ACOXL: variants seen among roughly 807,000 people sequenced by gnomAD.
ACOXL encodes acyl-CoA oxidase like.
In ACOXL, 70 loss-of-function variants were observed where a neutral mutation model predicts 71.9. That is an observed-to-expected ratio of 0.97 (90% CI 0.80 to 1.19). The LOEUF is 1.19. ACOXL is among the 50% of genes most tolerant of loss of function. ACOXL has a pLI of 0.00. For missense variants in ACOXL, 703 were observed against 736.3 expected (o/e 0.95, Z 0.52); for synonymous variants, 253 against 281.6 (o/e 0.90, Z 1.02).
intron 9 of ACOXL, among the ~76,000 whole-genome samples, chr2:110,809,215 A>G (rs1350267614): frequency 6.6e-6 from 1 of 152,138 alleles, no homozygotes. Context: ...ACTGCTCCCC[A>G]TAGTATGTGC....
intron 9 of ACOXL, among the ~76,000 whole-genome samples, chr2:110,821,285 CTT>C (rs113682220): frequency 6.6e-6 from 1 of 151,258 alleles, no homozygotes; most frequent in Non-Finnish European, 1.5e-5. Context: ...CTCTCTCTCT[CTT>C]TTTTTTTAAC....
intron 16 of ACOXL, among the ~76,000 whole-genome samples, chr2:111,072,458 GGATTAGCA>G: frequency 6.6e-6 from 1 of 152,154 alleles, no homozygotes; most frequent in South Asian, 2.1e-4. Flanking sequence ...TCCGTTGTGT[GGATTAGCA>G]GAGTTTGTTT....
intron 11 of ACOXL, 60 bp downstream of exon 11, chr2:110,908,965 G>C: frequency 2.4e-6 from 3 of 1,267,810 alleles, no homozygotes; most frequent in South Asian, 2.7e-5. Context: ...GCATGAGTAA[G>C]AATTCAGAGC....
chr2:110,787,151 T>C (rs766221052), intron 3 of ACOXL, among the ~76,000 whole-genome samples: 2 of 152,134 alleles, frequency 1.3e-5, no homozygotes, highest in African/African-American at 2.4e-5. Context: ...TTCTATTTCA[T>C]TGAATTTTTC....
At chr2:110,878,310 T>A (rs1696183227) in intron 10 of ACOXL, among the ~76,000 whole-genome samples, 1 of 152,170 alleles carries the variant, frequency 6.6e-6, no homozygotes, top group South Asian at 2.1e-4. Flanking sequence ...TTAAATAGAT[T>A]AGACACAACT....
intron 17 of ACOXL, among the ~76,000 whole-genome samples, chr2:111,111,963 T>C (rs1383926379): frequency 6.6e-6 from 1 of 152,224 alleles, no homozygotes; most frequent in African/African-American, 2.4e-5. Context: ...TTGTGTACTC[T>C]TTAGTTGAAG....
chr2:110,876,927 A>G (rs1375285333), intron 10 of ACOXL, among the ~76,000 whole-genome samples: 2 of 152,192 alleles, frequency 1.3e-5, no homozygotes, highest in Non-Finnish European at 2.9e-5. Flanking sequence ...ATAAAATATG[A>G]ATTATATCAG....
chr2:111,114,201 C>G (rs1279972842), intron 17 of ACOXL: 1 of 152,680 alleles, frequency 6.5e-6, no homozygotes, highest in Non-Finnish European at 1.5e-5. Flanking sequence ...CCAAGATGGC[C>G]TCTCTCTCAT....
At position 110,967,881 on chromosome 2, in the gene ACOXL, C is replaced by T. The variant is rs550330799; in HGVS notation, c.1060-19227C>T. 1.4e-4 allele frequency: 170 copies of T among 1,257,758 alleles called. 1 individual carries two copies. Among genetic ancestry groups the T allele is most frequent in the Non-Finnish European group, 2.2e-5 (19 of 880,408 alleles). The allele number at this position is 1,257,758 out of a possible 1,614,324, so 77.9% of individuals were successfully genotyped here. On this transcript the variant is annotated intron_variant, in intron 12 of 17. Transcript: ENST00000439055. ...AGAATAAGGCCTACTTTAAGAGATA[C>T]CAAGTGAAATTTAGAAGACGACAAG... is the stretch of plus-strand genomic sequence containing the variant.
chr2:110,815,002 G>A lies in ACOXL; in HGVS notation c.753+9607G>A, dbSNP rs546039533. Among the ~76,000 whole-genome samples the A allele has an allele frequency of 6.6e-5, 10 of 152,170 alleles. No homozygotes were observed. The South Asian group carries it at 1.7e-3, about 25-fold the overall frequency. On this transcript the variant is annotated intron_variant, in intron 9 of 17. Transcript: ENST00000439055. ...TCATGTTGCTAATAAAGACATACCC[G>A]AGACTGGGTAATTTGTAAAGAAAGG...
At chr2:110,887,265 G>C (rs1558676955) in intron 10 of ACOXL, 1 of 159,730 alleles carries the variant, frequency 6.3e-6, no homozygotes, top group African/African-American at 2.4e-5. Flanking sequence ...CAAGGGCAGT[G>C]CACTGACTTT....
rs149127100 is a variant in ACOXL, at chr2:110,987,153, G to A, written c.1105G>A (p.Glu369Lys). The A allele has an allele frequency of 7.6e-6, 12 of 1,579,208 alleles. No homozygotes were observed. The African/African-American group carries it at 1.5e-4, about 19-fold the overall frequency. Residue 369 changes from glutamate to lysine, a missense_variant, in exon 13 of 18, where the codon GAA (glutamate) becomes AAA (lysine). Physicochemically the swap from Glu to Lys is moderately conservative, Grantham distance 56 (BLOSUM62 1). Coordinates refer to ENST00000439055, the MANE Select transcript of ACOXL (RefSeq NM_001142807.4). ...LLAQYTKQYEEKPLFGLLQNW... is the reference protein window; with the variant it reads ...LLAQYTKQYEKKPLFGLLQNW... ...GGCCCAATACACCAAACAGTATGAA[G>A]AAAAACCACTCTTTGGCCTGCTCCA...
At chr2:111,041,654 C>G (rs146353936) in intron 15 of ACOXL, among the ~76,000 whole-genome samples, 3 of 152,306 alleles carry the variant, frequency 2.0e-5, no homozygotes, top group Non-Finnish European at 4.4e-5. Flanking sequence ...CAGGAAGCAG[C>G]CTTTGGCCAT....
At chr2:110,875,173 G>A (rs1467311716) in intron 10 of ACOXL, among the ~76,000 whole-genome samples, 4 of 152,184 alleles carry the variant, frequency 2.6e-5, no homozygotes, top group Non-Finnish European at 4.4e-5. Flanking sequence ...AAGCCAGGAT[G>A]TACACTTTGT....
At chr2:110,973,314 A>G (rs2062297760) in intron 12 of ACOXL, among the ~76,000 whole-genome samples, 1 of 152,212 alleles carries the variant, frequency 6.6e-6, no homozygotes, top group Non-Finnish European at 1.5e-5. Context: ...TACAGCCTGA[A>G]TGTTTATGTC....
At chr2:110,926,716 T>C (rs141125498) in intron 11 of ACOXL, among the ~76,000 whole-genome samples, 211 of 152,242 alleles carry the variant, frequency 1.4e-3, no homozygotes, top group Non-Finnish European at 2.6e-3. Flanking sequence ...TATCCCCCTG[T>C]CCCACCAATT....
At position 110,792,970 on chromosome 2, in the gene ACOXL, A is replaced by T. The variant is rs374701101; in HGVS notation, c.160-680A>T. 3.9e-5 allele frequency among the ~76,000 whole-genome samples: 6 copies of T among 152,248 alleles called. No individual in the cohort carries two copies. In the East Asian group the frequency reaches 9.6e-4, roughly 24 times the overall value. Reference sequence around the variant, plus strand: ...GATGTGGGTGAGACACTTTCCCTCTATGAATCCCAATTTCCCATGTTAAAT... The same window carrying T: ...GATGTGGGTGAGACACTTTCCCTCTTTGAATCCCAATTTCCCATGTTAAAT... On this transcript the variant is annotated intron_variant, in intron 3 of 17. Transcript: ENST00000439055.
At chr2:110,738,695 G>T (rs1025386608) in intron 1 of ACOXL, among the ~76,000 whole-genome samples, 5 of 152,142 alleles carry the variant, frequency 3.3e-5, no homozygotes, top group African/African-American at 1.2e-4. Flanking sequence ...TTCTTTTAGT[G>T]CATTGGGCAT....
In ACOXL at chr2:110,913,382, C is replaced by T. The variant is rs573070942; in HGVS notation, c.905+4477C>T. Reference sequence around the variant, plus strand: ...GTCCATAGATTGACAAATGGGTAAACAAAATATGGCACATTCACAAAGTGG... The same window carrying T: ...GTCCATAGATTGACAAATGGGTAAATAAAATATGGCACATTCACAAAGTGG... On this transcript the variant is annotated intron_variant, in intron 11 of 17. Transcript: ENST00000439055. Among the ~76,000 whole-genome samples, 4 of 152,086 alleles carry T rather than the reference C, an allele frequency of 2.6e-5. No individual in the cohort carries two copies. In the South Asian group the frequency reaches 8.3e-4, roughly 32 times the overall value.
Sources: allele counts gnomAD v4.1 joint callset (sites outside exome capture counted in the v4.1 genomes callset), GRCh38; gene constraint gnomAD v4.1.1; transcripts MANE v1.5; gene names NCBI Gene and HGNC (gene_info 2026-07-23, HGNC 2026-07-21).